NTRK2: variants seen among roughly 807,000 people sequenced by gnomAD.
The protein encoded by NTRK2 is BDNF/NT-3 growth factors receptor.
Under a neutral mutation model 94.5 loss-of-function variants are expected in NTRK2, and 13 were observed. That is an observed-to-expected ratio of 0.14 (90% confidence interval 0.09 to 0.22). The LOEUF (loss-of-function observed/expected upper bound fraction) is 0.22. NTRK2 is among the 10% of genes least tolerant of loss of function. The probability of loss-of-function intolerance (pLI) is 1.00; values close to 1 mark genes in which losing one functional copy is unlikely to be tolerated. For missense variants in NTRK2, 639 were observed against 1,071.2 expected (o/e 0.60, Z 5.63); for synonymous variants, 372 against 407.4 (o/e 0.91, Z 1.05).
intron 14 of NTRK2, among the ~76,000 whole-genome samples, chr9:84,926,466 A>C (rs971009085): frequency 6.6e-6 from 1 of 152,004 alleles, no homozygotes; most frequent in African/African-American, 2.4e-5. Flanking sequence ...TCCTGACCTC[A>C]GGTGATCTGC....
intron 16 of NTRK2, among the ~76,000 whole-genome samples, chr9:84,954,186 C>T (rs1436853279): frequency 6.6e-6 from 1 of 152,198 alleles, no homozygotes; most frequent in Admixed American, 6.5e-5. Context: ...TTTCCTTTCC[C>T]AGAGAGAAGC....
chr9:84,733,596 G>C (rs1215603804), intron 9 of NTRK2, among the ~76,000 whole-genome samples: 2 of 152,150 alleles, frequency 1.3e-5, no homozygotes, highest in Admixed American at 1.3e-4. Flanking sequence ...TATAACAAAA[G>C]ACACCCTAGC....
intron 17 of NTRK2, among the ~76,000 whole-genome samples, chr9:84,966,422 T>C (rs930750142): frequency 1.3e-4 from 20 of 151,902 alleles, no homozygotes; most frequent in African/African-American, 4.6e-4. Flanking sequence ...TGTAGAGCTA[T>C]GTTTTTGTTT....
intron 14 of NTRK2, among the ~76,000 whole-genome samples, chr9:84,917,707 C>G (rs1262489203): frequency 6.6e-6 from 1 of 152,126 alleles, no homozygotes; most frequent in Non-Finnish European, 1.5e-5. Flanking sequence ...CAATCTCATG[C>G]AGTTATTATC....
intron 12 of NTRK2, among the ~76,000 whole-genome samples, chr9:84,761,416 A>G (rs1401058011): frequency 1.3e-5 from 2 of 152,110 alleles, no homozygotes; most frequent in Non-Finnish European, 2.9e-5. Flanking sequence ...CAACCACCCA[A>G]CTGAGCCTTT....
rs200106336 is a variant in NTRK2, at chr9:84,924,235, G to GA, written c.1634-9924dup. Among the ~76,000 whole-genome samples, 108 of 76,960 alleles carry GA rather than the reference G, an allele frequency of 1.4e-3. 1 individual carries two copies. The highest frequency in any genetic ancestry group is 0.014 in the Admixed American group (84 of 6,006). 50.5% of individuals were successfully genotyped at this position (76,960 alleles called of 152,430 possible). A position where few individuals can be genotyped will look rare whatever the true frequency, so the allele number is the denominator to read the frequency against. ...CTGTCTCAAAGAAAGAAAGTAGAAA[G>GA]AAAGAAAGAAAGAAAGAAAGAAAGA... On this transcript the variant is annotated intron_variant, in intron 14 of 18. Transcript: ENST00000277120.
At chr9:84,892,979 C>T (rs557524521) in intron 14 of NTRK2, among the ~76,000 whole-genome samples, 1 of 151,602 alleles carries the variant, frequency 6.6e-6, no homozygotes, top group East Asian at 1.9e-4. Flanking sequence ...TCCTTCTTTC[C>T]TGCCTCCCTC....
intron 13 of NTRK2, among the ~76,000 whole-genome samples, chr9:84,863,212 C>G (rs990316430): frequency 6.6e-6 from 1 of 152,116 alleles, no homozygotes; most frequent in African/African-American, 2.4e-5. Context: ...GAAAACTCCC[C>G]CAGATGAACT....
chr9:84,861,164 CTT>C, intron 13 of NTRK2, 77 bp downstream of exon 13: 2 of 1,078,118 alleles, frequency 1.9e-6, no homozygotes, highest in Non-Finnish European at 2.8e-6. Context: ...CTTAGACCCT[CTT>C]TACATTCCAC....
chr9:84,955,541 A>AC, intron 17 of NTRK2, 24 bp downstream of exon 17: 1 of 1,581,410 alleles, frequency 6.3e-7, no homozygotes, highest in Non-Finnish European at 8.7e-7. Flanking sequence ...CAGATCAGAG[A>AC]CCCCAGGGAC....
intron 12 of NTRK2, among the ~76,000 whole-genome samples, chr9:84,851,032 G>A (rs2074742227): frequency 6.6e-6 from 1 of 152,138 alleles, no homozygotes; most frequent in African/African-American, 2.4e-5. Context: ...TCTCAGTACT[G>A]TTGACATTTG....
chr9:84,857,851 G>T (rs1213500152), intron 12 of NTRK2, among the ~76,000 whole-genome samples: 2 of 152,086 alleles, frequency 1.3e-5, no homozygotes, highest in African/African-American at 2.4e-5. Flanking sequence ...CTAGAATTTT[G>T]ATACGAAGCC....
chr9:84,897,365 G>A (rs1303954868), intron 14 of NTRK2, among the ~76,000 whole-genome samples: 4 of 152,134 alleles, frequency 2.6e-5, no homozygotes, highest in African/African-American at 9.7e-5. Flanking sequence ...TCGATCTCCT[G>A]AACTCGTGAT....
intron 12 of NTRK2, among the ~76,000 whole-genome samples, chr9:84,754,054 G>A (rs1480692471): frequency 2.0e-5 from 3 of 152,162 alleles, no homozygotes; most frequent in Non-Finnish European, 4.4e-5. Flanking sequence ...GTTGCATATT[G>A]AGACTCCAGC....
intron 4 of NTRK2, among the ~76,000 whole-genome samples, chr9:84,702,808 G>A (rs1297446961): frequency 6.6e-6 from 1 of 152,120 alleles, no homozygotes; most frequent in African/African-American, 2.4e-5. Flanking sequence ...GCCTTTATAG[G>A]GAAATAAAAA....
intron 2 of NTRK2, among the ~76,000 whole-genome samples, chr9:84,687,449 G>A (rs568355871): frequency 8.5e-5 from 13 of 152,140 alleles, no homozygotes; most frequent in African/African-American, 2.7e-4. Context: ...CCTCTATTGC[G>A]GAGGAATTGC....
At chr9:85,014,470 A>G (rs1232541598) in intron 17 of NTRK2, among the ~76,000 whole-genome samples, 1 of 152,192 alleles carries the variant, frequency 6.6e-6, no homozygotes, top group East Asian at 1.9e-4. Flanking sequence ...CTTCAATACC[A>G]TTTGGTCGCC....
intron 14 of NTRK2, among the ~76,000 whole-genome samples, chr9:84,933,101 A>C (rs1352635460): frequency 6.6e-6 from 1 of 152,202 alleles, no homozygotes; most frequent in Non-Finnish European, 1.5e-5. Flanking sequence ...AAATGAGAGA[A>C]TATAGTTGGC....
intron 6 of NTRK2, among the ~76,000 whole-genome samples, chr9:84,721,174 A>G (rs2062036040): frequency 7.7e-6 from 1 of 130,202 alleles, no homozygotes; most frequent in South Asian, 2.8e-4. Context: ...AATACTCATA[A>G]TAATCTTTTT....
Sources: allele counts gnomAD v4.1 joint callset (sites outside exome capture counted in the v4.1 genomes callset), GRCh38; gene constraint gnomAD v4.1.1; transcripts MANE v1.5; gene names NCBI Gene and HGNC (gene_info 2026-07-23, HGNC 2026-07-21).